The following TIAM2 variants were observed in gnomAD, a reference collection of about 807,000 sequenced individuals.
TIAM2 encodes the protein TIAM Rac1 associated GEF 2, also known as rho guanine nucleotide exchange factor TIAM2.
Under a neutral mutation model 152.9 loss-of-function variants are expected in TIAM2, and 80 were observed. The ratio of observed to expected loss-of-function variants is 0.52; its 90% CI spans 0.44 to 0.63. The LOEUF (loss-of-function observed/expected upper bound fraction) is 0.63, where lower values mean the gene tolerates loss of function less well. TIAM2 is among the 30% of genes least tolerant of loss of function. The pLI is 0.00. For missense variants in TIAM2, 1,965 were observed against 2,120.1 expected, an observed-to-expected ratio of 0.93 and a Z score of 1.44; for synonymous variants, 804 against 838.0, an observed-to-expected ratio of 0.96 and a Z score of 0.70.
chr6:155,245,809 A>G, intron 19 of TIAM2, 78 bp downstream of exon 19: 1 of 978,702 alleles, frequency 1.0e-6, no homozygotes. Context: ...TCTGTATTTA[A>G]CAAGTAGAGA....
intron 2 of TIAM2, among the ~76,000 whole-genome samples, chr6:155,101,992 G>A (rs111824638): frequency 2.7e-5 from 4 of 150,176 alleles, no homozygotes; most frequent in African/African-American, 7.4e-5. Context: ...ATGAGCAACC[G>A]TGCCGGCCTT....
chr6:155,201,903 G>A (rs1212270185), intron 14 of TIAM2, among the ~76,000 whole-genome samples: 1 of 152,170 alleles, frequency 6.6e-6, no homozygotes, highest in Non-Finnish European at 1.5e-5. Context: ...GTGACCTCAG[G>A]TTAAATGGAC....
chr6:155,076,000 C>T (rs1210889402), intron 1 of TIAM2, among the ~76,000 whole-genome samples: 3 of 152,200 alleles, frequency 2.0e-5, no homozygotes, highest in Admixed American at 6.5e-5. Context: ...TGTTAAACCA[C>T]GCCAACAACA....
Position 155,250,926 on chromosome 6 carries a change from C to G in TIAM2, c.3965C>G (p.Ser1322Trp). 1 of 1,614,136 alleles carries G rather than the reference C, an allele frequency of 6.2e-7. No individual in the cohort carries two copies. The highest frequency in any genetic ancestry group is 8.5e-7 in the Non-Finnish European group (1 of 1,180,000). Residue 1322 changes from serine (S) to tryptophan (W), a missense_variant, in exon 22 of 27, where the codon TCG becomes TGG. Ser to Trp is a radical substitution (Grantham distance 177, BLOSUM62 -3). Transcript: ENST00000682666. ...SGTEKEVTEL[S>W]MGELLMHSTV... ...TTTACAATCTAGGTAACAGAACTTT[C>G]GATGGGAGAGCTTCTGATGCACTCT...
chr6:155,124,361 G>A (rs1053392893), intron 2 of TIAM2, among the ~76,000 whole-genome samples: 1 of 149,838 alleles, frequency 6.7e-6, no homozygotes, highest in African/African-American at 2.5e-5. Context: ...ACTGAGTTTC[G>A]CTCTTGTTGC....
At chr6:155,079,169 C>T (rs1168194829) in intron 1 of TIAM2, among the ~76,000 whole-genome samples, 1 of 152,068 alleles carries the variant, frequency 6.6e-6, no homozygotes, top group Admixed American at 6.6e-5. Context: ...TCAAGCGATT[C>T]TCCCACGTCA....
intron 1 of TIAM2, among the ~76,000 whole-genome samples, chr6:155,035,263 C>T (rs969900479): frequency 8.6e-5 from 13 of 151,102 alleles, no homozygotes; most frequent in African/African-American, 3.2e-4. Context: ...TGCTTTGTCA[C>T]CCAGGCTGGA....
chr6:155,054,567 GTT>G (rs141835858), intron 1 of TIAM2, among the ~76,000 whole-genome samples: 3,137 of 53,398 alleles, frequency 0.059, 115 homozygotes, highest in African/African-American at 0.26. Context: ...GAAGTACAGA[GTT>G]TTGTTTTGTT....
intron 15 of TIAM2, among the ~76,000 whole-genome samples, chr6:155,220,297 A>T (rs969930117): frequency 6.6e-6 from 1 of 152,268 alleles, no homozygotes; most frequent in East Asian, 1.9e-4. Flanking sequence ...GCTGGGGCTC[A>T]GAGTCTGCCT....
intron 2 of TIAM2, among the ~76,000 whole-genome samples, chr6:155,098,742 G>A (rs939368252): frequency 1.3e-5 from 2 of 152,154 alleles, no homozygotes; most frequent in Non-Finnish European, 2.9e-5. Context: ...AATAAAAGTG[G>A]TAAAAATGGA....
intron 1 of TIAM2, among the ~76,000 whole-genome samples, chr6:155,037,232 A>G (rs985383815): frequency 1.7e-4 from 26 of 152,332 alleles, no homozygotes; most frequent in Non-Finnish European, 7.3e-5. Context: ...TGGGGGCAGT[A>G]AAATACTGAC....
At chr6:155,128,619 G>A (rs1779354198) in intron 3 of TIAM2, among the ~76,000 whole-genome samples, 1 of 151,956 alleles carries the variant, frequency 6.6e-6, no homozygotes, top group South Asian at 2.1e-4. Flanking sequence ...TAGCACTTTG[G>A]GAGGCCGAGG....
intron 15 of TIAM2, among the ~76,000 whole-genome samples, chr6:155,238,145 C>T (rs1169460180): frequency 1.2e-4 from 18 of 152,238 alleles, no homozygotes; most frequent in Admixed American, 1.2e-3. Context: ...AATCATCTCT[C>T]AAGTTCAAAG....
intron 15 of TIAM2, among the ~76,000 whole-genome samples, chr6:155,212,656 G>A (rs747890679): frequency 4.6e-4 from 70 of 152,006 alleles, no homozygotes; most frequent in African/African-American, 1.6e-3. Flanking sequence ...GGCCAAGGGT[G>A]CTTTTGCCCA....
intron 1 of TIAM2, among the ~76,000 whole-genome samples, chr6:155,064,222 A>G (rs1476258230): frequency 1.3e-5 from 2 of 152,202 alleles, no homozygotes; most frequent in East Asian, 3.8e-4. Context: ...TACCTACCAG[A>G]TTTCCTATGC....
At chr6:155,028,605 TTATATA>T (rs1375253788) in intron 1 of TIAM2, among the ~76,000 whole-genome samples, 2 of 105,536 alleles carry the variant, frequency 1.9e-5, no homozygotes, top group African/African-American at 6.8e-5. Context: ...ATATACTGTG[TTATATA>T]TACTACATAT....
At chr6:155,006,261 C>G (rs116562036) in intron 1 of TIAM2, among the ~76,000 whole-genome samples, 2 of 152,266 alleles carry the variant, frequency 1.3e-5, no homozygotes, top group African/African-American at 2.4e-5. Flanking sequence ...TGCCCACACT[C>G]TAGTGGTAGG....
At chr6:155,169,207 C>G (rs183109243) in intron 9 of TIAM2, among the ~76,000 whole-genome samples, 2 of 152,122 alleles carry the variant, frequency 1.3e-5, no homozygotes, top group Non-Finnish European at 2.9e-5. Flanking sequence ...GTGTTAGCCA[C>G]GATGGTCTCG....
chr6:155,007,385 C>A (rs1218658288), intron 1 of TIAM2, among the ~76,000 whole-genome samples: 1 of 146,836 alleles, frequency 6.8e-6, no homozygotes, highest in African/African-American at 2.5e-5. Context: ...TTCTTTCTTT[C>A]TTTCTTTTTT....
Sources: gnomAD v4.1 joint callset for allele counts (sites outside exome capture counted in the v4.1 genomes callset) on GRCh38, gnomAD v4.1.1 for gene constraint, MANE v1.5 for transcripts, NCBI Gene and HGNC (gene_info 2026-07-23, HGNC 2026-07-21) for gene names.